EVI5: variants seen among roughly 807,000 people sequenced by gnomAD.
EVI5 encodes the protein ecotropic viral integration site 5 protein homolog.
EVI5 carries 73 observed loss-of-function variants against 112.0 expected under a neutral mutation model. The observed-to-expected ratio is 0.65, with a 90% CI of 0.54 to 0.79. EVI5 has a LOEUF of 0.79. EVI5 is among the 30% of genes least tolerant of loss of function. The pLI, the probability that EVI5 is intolerant of heterozygous loss-of-function variation, is 0.00. For missense variants in EVI5, 900 were observed against 968.8 expected (o/e 0.93, Z 0.94); for synonymous variants, 305 against 319.9 (o/e 0.95, Z 0.50).
chr1:92,735,563 G>C (rs946525941), intron 2 of EVI5, among the ~76,000 whole-genome samples: 2 of 147,724 alleles, frequency 1.4e-5, no homozygotes, highest in Non-Finnish European at 3.0e-5. Flanking sequence ...GAGCACAAAA[G>C]GGTGCTCTTC....
intron 13 of EVI5, among the ~76,000 whole-genome samples, chr1:92,651,437 T>C (rs895825371): frequency 7.9e-5 from 12 of 152,276 alleles, no homozygotes; most frequent in South Asian, 6.2e-4. Context: ...AGTCTTTGCA[T>C]TGAAAGAATT....
At chr1:92,577,459 C>A (rs750119810) in intron 18 of EVI5, among the ~76,000 whole-genome samples, 6 of 152,206 alleles carry the variant, frequency 3.9e-5, no homozygotes, top group Non-Finnish European at 8.8e-5. Context: ...AGGGTAGCAT[C>A]AGTAGGGCGG....
At chr1:92,589,946 T>C (rs1157065385) in intron 18 of EVI5, among the ~76,000 whole-genome samples, 2 of 152,122 alleles carry the variant, frequency 1.3e-5, no homozygotes, top group African/African-American at 2.4e-5. Context: ...GCAGCAACAT[T>C]TGCTGTTCAC....
At chr1:92,517,281 A>T (rs1373557596) in intron 19 of EVI5, among the ~76,000 whole-genome samples, 1 of 152,224 alleles carries the variant, frequency 6.6e-6, no homozygotes, top group Non-Finnish European at 1.5e-5. Flanking sequence ...TGCTAAAAGT[A>T]ATCTAGAGAT....
intron 1 of EVI5, among the ~76,000 whole-genome samples, chr1:92,752,931 AT>A (rs1447333380): frequency 6.6e-6 from 1 of 152,168 alleles, no homozygotes; most frequent in Non-Finnish European, 1.5e-5. Context: ...CAAAATAGAC[AT>A]GGTCCTTTCC....
Position 92,592,483 on chromosome 1 carries a change from G to C in EVI5, c.2070+12824C>G, listed in dbSNP as rs574701281. ...AGAGAAAGCAGGAAGATCTAAAATTGACACCCTAACATCACAATTAAAAGA... is the reference window on the plus strand; with the variant it reads ...AGAGAAAGCAGGAAGATCTAAAATTCACACCCTAACATCACAATTAAAAGA... On this transcript the variant is annotated intron_variant, in intron 18 of 19. Coordinates refer to ENST00000684568, the MANE Select transcript of EVI5 (RefSeq NM_001350197.2). 2.6e-5 allele frequency among the ~76,000 whole-genome samples: 4 copies of C among 152,230 alleles called. No individual in the cohort carries two copies. In the South Asian group the frequency reaches 8.3e-4, roughly 32 times the overall value.
At chr1:92,763,261 T>C (rs907116630) in intron 1 of EVI5, among the ~76,000 whole-genome samples, 1 of 152,086 alleles carries the variant, frequency 6.6e-6, no homozygotes, top group Non-Finnish European at 1.5e-5. Flanking sequence ...GAGTGAGACT[T>C]TGTCTCAAAT....
intron 13 of EVI5, among the ~76,000 whole-genome samples, chr1:92,642,355 CATTTT>C (rs1051301373): frequency 6.6e-6 from 1 of 152,252 alleles, no homozygotes; most frequent in Admixed American, 6.5e-5. Flanking sequence ...GAATGTAAAA[CATTTT>C]ATCTTTAGAC....
At chr1:92,635,910 C>G (rs1376546216) in intron 14 of EVI5, among the ~76,000 whole-genome samples, 17 of 152,138 alleles carry the variant, frequency 1.1e-4, no homozygotes, top group Admixed American at 9.2e-4. Flanking sequence ...CTGAGTTTCT[C>G]TCTTCTGCAA....
intron 9 of EVI5, among the ~76,000 whole-genome samples, chr1:92,688,057 T>C (rs1279838191): frequency 2.0e-5 from 3 of 152,118 alleles, no homozygotes; most frequent in Non-Finnish European, 4.4e-5. Context: ...GATTATAAAT[T>C]ATGCTATTAT....
At chr1:92,782,024 G>A (rs1035434580) in intron 1 of EVI5, among the ~76,000 whole-genome samples, 1 of 148,474 alleles carries the variant, frequency 6.7e-6, no homozygotes, top group Non-Finnish European at 1.5e-5. Context: ...ACTTTAGGAG[G>A]CCGAGGTGGA....
At chr1:92,683,566 T>C (rs1572277210) in intron 9 of EVI5, among the ~76,000 whole-genome samples, 1 of 152,088 alleles carries the variant, frequency 6.6e-6, no homozygotes, top group South Asian at 2.1e-4. Flanking sequence ...GTTTGACGAG[T>C]TGACAGAAGT....
intron 2 of EVI5, among the ~76,000 whole-genome samples, chr1:92,720,915 G>GA (rs1172767881): frequency 6.6e-6 from 1 of 152,082 alleles, no homozygotes; most frequent in African/African-American, 2.4e-5. Context: ...GCATACAAAT[G>GA]AAAAAATGCT....
chr1:92,549,508 T>G (rs1278446383), intron 19 of EVI5, among the ~76,000 whole-genome samples: 1 of 151,524 alleles, frequency 6.6e-6, no homozygotes, highest in Non-Finnish European at 1.5e-5. Context: ...GGGATCTAAT[T>G]AAACTAAAGA....
chr1:92,637,533 G>A (rs116686104), intron 13 of EVI5, among the ~76,000 whole-genome samples: 3,143 of 152,188 alleles, frequency 0.021, 120 homozygotes, highest in African/African-American at 0.071. Flanking sequence ...CACTTAAGTC[G>A]TCATTTTTAA....
chr1:92,728,018 C>A (rs200859503), intron 2 of EVI5, among the ~76,000 whole-genome samples: 5 of 148,078 alleles, frequency 3.4e-5, no homozygotes, highest in African/African-American at 2.5e-5. Flanking sequence ...TAAAGATAAA[C>A]AAAAAAAAAT....
chr1:92,614,727 T>C (rs1652633856), intron 16 of EVI5, among the ~76,000 whole-genome samples: 1 of 151,356 alleles, frequency 6.6e-6, no homozygotes, highest in African/African-American at 2.4e-5. Flanking sequence ...AGACGGCCTA[T>C]TGTGGGATCT....
chr1:92,621,168 G>A (rs1371441866), intron 16 of EVI5, among the ~76,000 whole-genome samples: 3 of 151,862 alleles, frequency 2.0e-5, no homozygotes, highest in Non-Finnish European at 4.4e-5. Context: ...CCAAGAGAAG[G>A]TAGAAAAAAA....
At chr1:92,612,719 A>AAG (rs1380691715) in intron 16 of EVI5, among the ~76,000 whole-genome samples, 1 of 112,336 alleles carries the variant, frequency 8.9e-6, no homozygotes, top group Non-Finnish European at 1.8e-5. Flanking sequence ...CAAAAAAAAA[A>AAG]AAAAAGGAAA....
Sources: allele counts gnomAD v4.1 joint callset (sites outside exome capture counted in the v4.1 genomes callset), GRCh38; gene constraint gnomAD v4.1.1; transcripts MANE v1.5; gene names NCBI Gene and HGNC (gene_info 2026-07-23, HGNC 2026-07-21).